The following UMPS variants were observed in gnomAD, a reference collection of about 807,000 sequenced individuals.
The protein encoded by UMPS is uridine 5'-monophosphate synthase.
Under a neutral mutation model 38.9 loss-of-function variants are expected in UMPS, and 21 were observed. That is an observed-to-expected ratio of 0.54 (90% confidence interval 0.38 to 0.78). The LOEUF is 0.78. UMPS is among the 30% of genes least tolerant of loss of function. UMPS has a pLI of 0.00. For synonymous variants in UMPS, 208 were observed against 219.3 expected, an observed-to-expected ratio of 0.95 and a Z score of 0.45; for missense variants, 533 against 591.6, an observed-to-expected ratio of 0.90 and a Z score of 1.03.
intron 3 of UMPS, among the ~76,000 whole-genome samples, chr3:124,739,559 C>T (rs1559905900): frequency 6.6e-6 from 1 of 152,154 alleles, no homozygotes. Flanking sequence ...GTCTCGAACT[C>T]CTAAACTCAA....
rs2063604098 is a variant in UMPS, at chr3:124,746,798, CAT to C, written c.*2715_*2716del. The C allele has an allele frequency of 6.7e-6, 2 of 298,282 alleles. No homozygotes were observed. Among genetic ancestry groups the C allele is most frequent in the Non-Finnish European group, 1.3e-5 (2 of 150,364 alleles). 18.5% of individuals were successfully genotyped at this position (298,282 alleles called of 1,614,324 possible). ...GTGTGTGTGTGTGTGTGTGTGTGTGCATGCGCGCGCGTGCGCACTGGAGGAAC... is the reference window on the plus strand; with the variant it reads ...GTGTGTGTGTGTGTGTGTGTGTGTGCGCGCGCGCGTGCGCACTGGAGGAAC... On this transcript the variant is annotated 3_prime_UTR_variant, in exon 6 of 6. Transcript: ENST00000232607.
rs1225667840 is a variant in UMPS, at chr3:124,746,901, C to T, written c.*2817C>T. ...AGCTCCAGAATCGTAAAGGGATATG[C>T]TCAGTCTCACAGCCAGCCTGTGGAT... is the stretch of plus-strand genomic sequence containing the variant. On this transcript the variant is annotated 3_prime_UTR_variant, in exon 6 of 6. Transcript: ENST00000232607. 4.4e-6 allele frequency: 2 copies of T among 453,696 alleles called. No individual in the cohort carries two copies. Among genetic ancestry groups the T allele is most frequent in the South Asian group, 3.1e-5 (2 of 64,434 alleles). 28.1% of individuals were successfully genotyped at this position (453,696 alleles called of 1,614,324 possible).
chr3:124,741,884 G>A (rs528608315), intron 4 of UMPS, among the ~76,000 whole-genome samples: 1 of 151,998 alleles, frequency 6.6e-6, no homozygotes, highest in Non-Finnish European at 1.5e-5. Flanking sequence ...TATGGAATGA[G>A]AAAAGGCATC....
In UMPS at chr3:124,740,053, G is replaced by A; in HGVS notation, c.1012G>A (p.Asp338Asn). ...TATCTTTAAAATAGCTTCCTGGGCA[G>A]ATCTAGTAAATGCTCACGTGGTGCC... The part of the protein sequence containing the change: ...GGIFKIASWA[D>N]LVNAHVVPGS... Residue 338 changes from aspartate (D) to asparagine (N), a missense_variant, in exon 4 of 6, where the codon GAT (aspartate) becomes AAT (asparagine). Physicochemically the swap from Asp to Asn is conservative, Grantham distance 23 (BLOSUM62 1). Transcript: ENST00000232607. The A allele has an allele frequency of 5.0e-6, 8 of 1,614,186 alleles. No individual in the cohort carries two copies. The highest frequency in any genetic ancestry group is 6.8e-6 in the Non-Finnish European group (8 of 1,180,046).
chr3:124,738,534 C>T, intron 3 of UMPS: 1 of 380,836 alleles, frequency 2.6e-6, no homozygotes, highest in Non-Finnish European at 4.9e-6. Flanking sequence ...ATTTGCTCTG[C>T]AACTGTGAGG....
At position 124,748,979 on chromosome 3, in the gene UMPS, A is replaced by G. The variant is rs142288742; in HGVS notation, c.*4895A>G. ...CACAACCAAGGTTCTCATGAGGACA[A>G]CCATGTCTTCGGGGGTGCCCTTGTG... On this transcript the variant is annotated 3_prime_UTR_variant, in exon 6 of 6. Transcript: ENST00000232607. 6.2e-4 allele frequency: 281 copies of G among 454,046 alleles called. No homozygotes were observed. Among genetic ancestry groups the G allele is most frequent in the African/African-American group, 2.5e-3 (123 of 50,120 alleles). 28.1% of individuals were successfully genotyped at this position (454,046 alleles called of 1,614,324 possible). A position where few individuals can be genotyped will look rare whatever the true frequency, so the allele number is the denominator to read the frequency against.
chr3:124,739,073 G>T (rs1304882653), intron 3 of UMPS, among the ~76,000 whole-genome samples: 1 of 152,192 alleles, frequency 6.6e-6, no homozygotes, highest in Non-Finnish European at 1.5e-5. Flanking sequence ...TGCTTAAGAT[G>T]TCCTGCCCTC....
At position 124,744,591 on chromosome 3, in the gene UMPS, G is replaced by A; in HGVS notation, c.*507G>A. ...GTCCATCTAAATTTCTTTATTATTTGTAGAGATGAGGTCTTGCCATGTTAC... is the reference window on the plus strand; with the variant it reads ...GTCCATCTAAATTTCTTTATTATTTATAGAGATGAGGTCTTGCCATGTTAC... On this transcript the variant is annotated 3_prime_UTR_variant, in exon 6 of 6. Transcript: ENST00000232607. 1 of 453,726 alleles carries A rather than the reference G, an allele frequency of 2.2e-6. No individual in the cohort carries two copies. Among genetic ancestry groups the A allele is most frequent in the South Asian group, 1.6e-5 (1 of 64,416 alleles). The allele number at this position is 453,726 out of a possible 1,614,324, so 28.1% of individuals were successfully genotyped here.
Position 124,748,718 on chromosome 3 carries a change from G to T in UMPS, c.*4634G>T, listed in dbSNP as rs946719292. 2.7e-5 allele frequency: 12 copies of T among 448,154 alleles called. No homozygotes were observed. Among genetic ancestry groups the T allele is most frequent in the African/African-American group, 1.0e-4 (5 of 49,882 alleles). 27.8% of individuals were successfully genotyped at this position (448,154 alleles called of 1,614,324 possible). ...GTCATGTTTTTCAGCGCTGGGGTTG[G>T]GGGGAGCCCAGGAGAGCAGGAAGAT... On this transcript the variant is annotated 3_prime_UTR_variant, in exon 6 of 6. Coordinates refer to ENST00000232607, the MANE Select transcript of UMPS (RefSeq NM_000373.4).
rs764017798 is a variant in UMPS, at chr3:124,745,384, G to A, written c.*1300G>A. The A allele has an allele frequency of 2.5e-6, 1 of 393,772 alleles. No homozygotes were observed. Among genetic ancestry groups the A allele is most frequent in the South Asian group, 1.8e-5 (1 of 56,672 alleles). The allele number at this position is 393,772 out of a possible 1,614,324, so 24.4% of individuals were successfully genotyped here. ...ATGCCTAGGATTTTTTTTTTTTTTT[G>A]AGACAGAATCTCACTGTCGCCCAGG... On this transcript the variant is annotated 3_prime_UTR_variant, in exon 6 of 6. Coordinates refer to ENST00000232607, the MANE Select transcript of UMPS (RefSeq NM_000373.4).
At chr3:124,737,516 A>G in intron 2 of UMPS, 52 bp from the exon 3 acceptor site, 2 of 1,518,858 alleles carry the variant, frequency 1.3e-6, no homozygotes, top group Admixed American at 1.7e-5. Context: ...GTATATACGC[A>G]CATATACATA....
rs148036615 is a variant in UMPS at position 124,737,938 on chromosome 3, C to T, written c.681C>T (p.Phe227=). Residue 227 remains phenylalanine, a synonymous_variant, in exon 3 of 6, where the codon TTC becomes TTT. Transcript: ENST00000232607. ...AGGAAGCACCCAAAGAACTCAGCTT[C>T]GGTGCACGTGCAGAGCTGCCCAGGA... is the stretch of plus-strand genomic sequence containing the variant. The part of the protein sequence containing the change: ...SIKEAPKELS[F]GARAELPRIH... 1.6e-4 allele frequency: 256 copies of T among 1,614,198 alleles called. No individual in the cohort carries two copies. Among genetic ancestry groups the T allele is most frequent in the South Asian group, 2.2e-4 (20 of 91,082 alleles).
intron 1 of UMPS, chr3:124,731,602 C>T (rs1462732015): frequency 5.1e-5 from 17 of 334,378 alleles, no homozygotes; most frequent in Admixed American, 4.2e-4. Context: ...CTTCTTGCCT[C>T]GGGTGAGCAC....
intron 2 of UMPS, 132 bp from the exon 3 acceptor site, chr3:124,737,436 G>A (rs2063525248): frequency 1.3e-6 from 1 of 798,668 alleles, no homozygotes; most frequent in African/African-American, 1.7e-5. Flanking sequence ...TAGCAAGTTT[G>A]GTATACAGAA....
chr3:124,742,009 G>A lies in UMPS; in HGVS notation c.1159-143G>A, dbSNP rs532822686. On this transcript the variant is annotated intron_variant, in intron 4 of 5. Transcript: ENST00000232607. The stretch of plus-strand genomic sequence containing the variant: ...GGTAGGAGGATCCCTTGAGCCCAGG[G>A]GTTCAAGACCAGCCAGGGAACATAG... 324 of 708,836 alleles carry A rather than the reference G, an allele frequency of 4.6e-4. 2 individuals carry two copies. In the African/African-American group the frequency reaches 5.1e-3, roughly 11 times the overall value. 43.9% of individuals were successfully genotyped at this position (708,836 alleles called of 1,614,324 possible).
chr3:124,732,721 C>T (rs1053657430), intron 1 of UMPS, among the ~76,000 whole-genome samples: 1 of 152,138 alleles, frequency 6.6e-6, no homozygotes, highest in Non-Finnish European at 1.5e-5. Context: ...TATAAGTTTC[C>T]TCAGCCCACT....
chr3:124,747,013 T>TTTTGTTTTG lies in UMPS; in HGVS notation c.*2936_*2937insTGTTTGTTT, dbSNP rs2063606627. ...GGCCGAGGGCTGGTTTTTTGTTTTG[T>TTTTGTTTTG]TTTGTTTGTTTGATACAGGGTCTTC... On this transcript the variant is annotated 3_prime_UTR_variant, in exon 6 of 6. Coordinates refer to ENST00000232607, the MANE Select transcript of UMPS (RefSeq NM_000373.4). The TTTTGTTTTG allele has an allele frequency of 2.2e-6, 1 of 453,454 alleles. No homozygotes were observed. The highest frequency in any genetic ancestry group is 4.4e-6 in the Non-Finnish European group (1 of 226,706). 28.1% of individuals were successfully genotyped at this position (453,454 alleles called of 1,614,324 possible).
Position 124,747,507 on chromosome 3 carries a change from A to T in UMPS, c.*3423A>T, listed in dbSNP as rs1294117320. The T allele has an allele frequency of 2.2e-6, 1 of 454,140 alleles. No homozygotes were observed. The allele number at this position is 454,140 out of a possible 1,614,324, so 28.1% of individuals were successfully genotyped here. A position where few individuals can be genotyped will look rare whatever the true frequency, so the allele number is the denominator to read the frequency against. ...TGGCTTCTGCCACCACATGGGAAGA[A>T]TATGCCCTGGTTAGCCCATGGCTTC... On this transcript the variant is annotated 3_prime_UTR_variant, in exon 6 of 6. Transcript: ENST00000232607.
In UMPS at chr3:124,730,467, C is replaced by T. The variant is rs745630898; in HGVS notation, c.-5C>T. 45 of 1,613,900 alleles carry T rather than the reference C, an allele frequency of 2.8e-5. No homozygotes were observed. In the Admixed American group the frequency reaches 7.3e-4, roughly 26 times the overall value. On this transcript the variant is annotated 5_prime_UTR_variant, in exon 1 of 6. Coordinates refer to ENST00000232607, the MANE Select transcript of UMPS (RefSeq NM_000373.4). ...GAATTTGAAGCAAACAGGCAGCGCG[C>T]GACAATGGCGGTCGCTCGTGCAGCT... is the stretch of plus-strand genomic sequence containing the variant.
Sources: gnomAD v4.1 joint callset for allele counts (sites outside exome capture counted in the v4.1 genomes callset) on GRCh38, gnomAD v4.1.1 for gene constraint, MANE v1.5 for transcripts, NCBI Gene and HGNC (gene_info 2026-07-23, HGNC 2026-07-21) for gene names.